The following XYLT1 variants were observed in gnomAD, a reference collection of about 807,000 sequenced individuals.
XYLT1 encodes xylosyltransferase 1, also known as beta-D-xylosyltransferase 1.
In XYLT1, 36 loss-of-function variants were observed where a neutral mutation model predicts 91.3. The observed-to-expected ratio is 0.39, with a 90% CI of 0.30 to 0.52. XYLT1 has a LOEUF of 0.52. XYLT1 is among the 20% of genes least tolerant of loss of function. The pLI, the probability that XYLT1 is intolerant of heterozygous loss-of-function variation, is 0.68. For synonymous variants in XYLT1, 588 were observed against 532.0 expected (o/e 1.11, Z -1.45); for missense variants, 1,242 against 1,284.5 (o/e 0.97, Z 0.51).
At chr16:17,154,172 T>C (rs1318270393) in intron 6 of XYLT1, among the ~76,000 whole-genome samples, 1 of 152,224 alleles carries the variant, frequency 6.6e-6, no homozygotes, top group African/African-American at 2.4e-5. Flanking sequence ...ATGATCATTA[T>C]TTGAATTTTA....
chr16:17,205,258 G>A (rs1033726148), intron 3 of XYLT1, among the ~76,000 whole-genome samples: 2 of 152,236 alleles, frequency 1.3e-5, no homozygotes, highest in African/African-American at 4.8e-5. Flanking sequence ...TGGGTCAAAC[G>A]AGGACTATGT....
At chr16:17,116,237 C>T (rs1010818047) in intron 11 of XYLT1, among the ~76,000 whole-genome samples, 1 of 152,264 alleles carries the variant, frequency 6.6e-6, no homozygotes, top group Middle Eastern at 3.4e-3. Flanking sequence ...TAAACCCTTT[C>T]AATGGACAAA....
chr16:17,143,161 G>C (rs935390823), intron 6 of XYLT1, among the ~76,000 whole-genome samples: 3 of 152,128 alleles, frequency 2.0e-5, no homozygotes, highest in Non-Finnish European at 4.4e-5. Context: ...CTAGAACCAA[G>C]GCTTTTGGGC....
chr16:17,118,095 C>T, intron 10 of XYLT1, 116 bp from the exon 11 acceptor site: 2 of 1,106,900 alleles, frequency 1.8e-6, no homozygotes, highest in Middle Eastern at 2.1e-4. Flanking sequence ...GATGAAGAAA[C>T]TGAGGCTCCA....
chr16:17,121,059 A>C (rs2141488163), intron 10 of XYLT1, among the ~76,000 whole-genome samples: 1 of 152,310 alleles, frequency 6.6e-6, no homozygotes, highest in African/African-American at 2.4e-5. Flanking sequence ...TTGAACACAT[A>C]TTGAATGAGT....
chr16:17,219,292 A>AG (rs1343038699), intron 3 of XYLT1, among the ~76,000 whole-genome samples: 3 of 138,642 alleles, frequency 2.2e-5, no homozygotes, highest in African/African-American at 1.0e-4. Flanking sequence ...AAAAAAAAAA[A>AG]AAAAAAAAAG....
intron 1 of XYLT1, among the ~76,000 whole-genome samples, chr16:17,438,503 T>C (rs1443629601): frequency 2.6e-5 from 4 of 152,160 alleles, no homozygotes; most frequent in East Asian, 1.9e-4. Flanking sequence ...CTTGACTATA[T>C]GTAAGGTAGA....
chr16:17,424,835 T>A (rs554660243), intron 1 of XYLT1, among the ~76,000 whole-genome samples: 1 of 127,370 alleles, frequency 7.9e-6, no homozygotes, highest in East Asian at 2.3e-4. Context: ...ACCACGGCAC[T>A]CCAGCCTGGG....
chr16:17,222,570 A>G (rs925436738), intron 3 of XYLT1, among the ~76,000 whole-genome samples: 10 of 152,262 alleles, frequency 6.6e-5, no homozygotes, highest in African/African-American at 2.4e-4. Context: ...CGGGTGGATC[A>G]CTTGACGTCA....
At chr16:17,331,119 C>T (rs1404614683) in intron 2 of XYLT1, among the ~76,000 whole-genome samples, 1 of 152,236 alleles carries the variant, frequency 6.6e-6, no homozygotes, top group Non-Finnish European at 1.5e-5. Flanking sequence ...GTCCCCACAG[C>T]CCCTTGGCTC....
intron 2 of XYLT1, among the ~76,000 whole-genome samples, chr16:17,293,344 A>G (rs1466821695): frequency 6.6e-6 from 1 of 152,082 alleles, no homozygotes; most frequent in Admixed American, 6.5e-5. Context: ...GCATCTCTCT[A>G]ATGGAACTTC....
At chr16:17,338,263 T>C (rs966392998) in intron 2 of XYLT1, 9 of 456,402 alleles carry the variant, frequency 2.0e-5, no homozygotes, top group South Asian at 3.1e-5. Context: ...TCTTGGACCA[T>C]GCTCTTCTGC....
intron 8 of XYLT1, among the ~76,000 whole-genome samples, chr16:17,135,124 A>G (rs1020451320): frequency 2.6e-5 from 4 of 152,210 alleles, no homozygotes; most frequent in African/African-American, 9.6e-5. Context: ...TTAGCTAGCC[A>G]TATTTAAAAC....
At chr16:17,109,688 C>G (rs1433986802) in intron 11 of XYLT1, among the ~76,000 whole-genome samples, 3 of 152,158 alleles carry the variant, frequency 2.0e-5, no homozygotes, top group African/African-American at 7.2e-5. Context: ...TGCTTTTGTG[C>G]TACCAGAGCT....
chr16:17,400,149 G>C (rs1249087586), intron 1 of XYLT1, among the ~76,000 whole-genome samples: 2 of 152,124 alleles, frequency 1.3e-5, no homozygotes, highest in Non-Finnish European at 2.9e-5. Flanking sequence ...GGAAGGACAG[G>C]GGCTGACAGT....
At chr16:17,149,808 G>A (rs1018608635) in intron 6 of XYLT1, among the ~76,000 whole-genome samples, 9 of 152,166 alleles carry the variant, frequency 5.9e-5, no homozygotes, top group Non-Finnish European at 1.0e-4. Context: ...ATGGTACTTT[G>A]GTTTCTCACA....
At chr16:17,115,980 TAAAAA>T (rs58219672) in intron 11 of XYLT1, among the ~76,000 whole-genome samples, 43 of 69,138 alleles carry the variant, frequency 6.2e-4, no homozygotes, top group African/African-American at 1.6e-3. Flanking sequence ...ACTTAGAAAG[TAAAAA>T]AAAAAAAAAA....
intron 9 of XYLT1, among the ~76,000 whole-genome samples, chr16:17,131,529 A>G (rs1403057749): frequency 6.6e-6 from 1 of 152,184 alleles, no homozygotes; most frequent in African/African-American, 2.4e-5. Context: ...CAGGGGGCAC[A>G]CTGAGTGATT....
At chr16:17,361,859 T>C (rs1473042639) in intron 1 of XYLT1, among the ~76,000 whole-genome samples, 1 of 152,258 alleles carries the variant, frequency 6.6e-6, no homozygotes, top group Non-Finnish European at 1.5e-5. Flanking sequence ...AACAGTTGAA[T>C]ACTAGCAATA....
Sources: allele counts gnomAD v4.1 joint callset (sites outside exome capture counted in the v4.1 genomes callset), GRCh38; gene constraint gnomAD v4.1.1; transcripts MANE v1.5; gene names NCBI Gene and HGNC (gene_info 2026-07-23, HGNC 2026-07-21).